Variants in TP53BP1 observed in about 807,000 individuals in gnomAD.
The protein encoded by TP53BP1 is tumor protein p53 binding protein 1, also known as TP53-binding protein 1.
TP53BP1 carries 61 observed loss-of-function variants against 200.8 expected under a neutral mutation model. The ratio of observed to expected loss-of-function variants is 0.30; its 90% CI spans 0.25 to 0.38. The LOEUF is 0.38. TP53BP1 is among the 10% of genes least tolerant of loss of function. The probability of loss-of-function intolerance (pLI) is 1.00; values close to 1 mark genes in which losing one functional copy is unlikely to be tolerated. For missense variants in TP53BP1, 2,144 were observed against 2,371.9 expected (o/e 0.90, Z 2.00); for synonymous variants, 822 against 844.3 (o/e 0.97, Z 0.46).
chr15:43,501,850 T>C (rs2079210915), intron 1 of TP53BP1, among the ~76,000 whole-genome samples: 1 of 152,242 alleles, frequency 6.6e-6, no homozygotes, highest in African/African-American at 2.4e-5. Flanking sequence ...ATTCTCCTAT[T>C]ACTGCATATT....
intron 11 of TP53BP1, among the ~76,000 whole-genome samples, chr15:43,467,064 T>A (rs968745070): frequency 6.6e-6 from 1 of 151,970 alleles, no homozygotes; most frequent in Non-Finnish European, 1.5e-5. Context: ...GGTATTCTTT[T>A]TTTTTTTTGA....
intron 10 of TP53BP1, among the ~76,000 whole-genome samples, chr15:43,473,604 A>G (rs2046780219): frequency 6.6e-6 from 1 of 152,152 alleles, no homozygotes; most frequent in South Asian, 2.1e-4. Flanking sequence ...AGCTAGACAT[A>G]AAGGTTCTCC....
chr15:43,503,995 T>A (rs558029161), intron 1 of TP53BP1, among the ~76,000 whole-genome samples: 12 of 152,140 alleles, frequency 7.9e-5, no homozygotes, highest in Non-Finnish European at 1.6e-4. Flanking sequence ...ATTTAATGCA[T>A]ACGGGAGGGC....
In TP53BP1 at chr15:43,458,631, T is replaced by C. The variant is rs540933572; in HGVS notation, c.1390-1413A>G. Among the ~76,000 whole-genome samples the C allele has an allele frequency of 1.7e-3, 259 of 151,802 alleles. 1 individual carries two copies. Among genetic ancestry groups the C allele is most frequent in the African/African-American group, 6.0e-3 (250 of 41,326 alleles). On this transcript the variant is annotated intron_variant, in intron 11 of 27. Transcript: ENST00000382044. Reference sequence around the variant, plus strand: ...CCCATGTCTACAGAAACTTTAAAAATTAGCCAGGCATGGTATTGTGTCCCT... The same window carrying C: ...CCCATGTCTACAGAAACTTTAAAAACTAGCCAGGCATGGTATTGTGTCCCT...
intron 12 of TP53BP1, among the ~76,000 whole-genome samples, chr15:43,453,282 T>C (rs968024193): frequency 2.0e-5 from 3 of 151,662 alleles, no homozygotes; most frequent in South Asian, 2.1e-4. Flanking sequence ...CACAGGTCAT[T>C]AGCAGTATTT....
chr15:43,469,411 G>C (rs2046667107), intron 11 of TP53BP1, among the ~76,000 whole-genome samples: 1 of 151,992 alleles, frequency 6.6e-6, no homozygotes, highest in South Asian at 2.1e-4. Context: ...ACTGGAAAAA[G>C]AAAATTAAAG....
intron 23 of TP53BP1, among the ~76,000 whole-genome samples, chr15:43,414,641 T>C (rs543284214): frequency 6.6e-6 from 1 of 152,064 alleles, no homozygotes; most frequent in African/African-American, 2.4e-5. Context: ...TTCTTAATTA[T>C]TGAATGCTAG....
rs374365880 is a variant in TP53BP1, at chr15:43,456,019, T to C, written c.2589A>G (p.Lys863=). 10 of 1,614,066 alleles carry C rather than the reference T, an allele frequency of 6.2e-6. No individual in the cohort carries two copies. The African/African-American group carries it at 1.2e-4, about 19-fold the overall frequency. Residue 863 remains lysine (K), a synonymous_variant, in exon 12 of 28, where the codon AAA becomes AAG. Coordinates refer to ENST00000382044, the MANE Select transcript of TP53BP1 (RefSeq NM_001141980.3). The part of the protein sequence containing the change: ...QELQQPQTQE[K]TSNSLTEDSK... ...AGTCTTCTGTTAATGAATTACTTGT[T>C]TTCTCCTGAGTTTGGGGCTGCTGCA...
chr15:43,419,920 G>A (rs191587769), intron 21 of TP53BP1, among the ~76,000 whole-genome samples: 41 of 152,236 alleles, frequency 2.7e-4, no homozygotes, highest in African/African-American at 9.9e-4. Flanking sequence ...AAAAGCTAGT[G>A]AAATCCAAAT....
chr15:43,447,065 A>G, intron 13 of TP53BP1: 1 of 466,762 alleles, frequency 2.1e-6, no homozygotes, highest in Non-Finnish European at 4.1e-6. Flanking sequence ...TTCCATCCTT[A>G]TAAAACATCT....
Position 43,403,748 on chromosome 15 carries a change from C to T in TP53BP1, c.*3635G>A, listed in dbSNP as rs749995080. ...GTTTTTGTTCGCTGGTCAGTCAGAA[C>T]CTAGGCCCACTGGATGAGCGTGGAG... On this transcript the variant is annotated 3_prime_UTR_variant, in exon 28 of 28. Transcript: ENST00000382044. 5 of 1,613,828 alleles carry T rather than the reference C, an allele frequency of 3.1e-6. No homozygotes were observed. The South Asian group carries it at 4.4e-5, about 14-fold the overall frequency.
Position 43,405,023 on chromosome 15 carries a change from TTC to T in TP53BP1, c.*2358_*2359del, listed in dbSNP as rs1429278770. 5 of 647,274 alleles carry T rather than the reference TTC, an allele frequency of 7.7e-6. No individual in the cohort carries two copies. Among genetic ancestry groups the T allele is most frequent in the Non-Finnish European group, 5.3e-6 (2 of 380,242 alleles). 40.1% of individuals were successfully genotyped at this position (647,274 alleles called of 1,614,324 possible). A position where few individuals can be genotyped will look rare whatever the true frequency, so the allele number is the denominator to read the frequency against. Reference sequence around the variant, plus strand: ...ATTCAGAAAATCACTTCATTGTCCTTTCTCTCTAAAATGTCTGCAAGCAGATT... The same window carrying T: ...ATTCAGAAAATCACTTCATTGTCCTTTCTCTAAAATGTCTGCAAGCAGATT... On this transcript the variant is annotated 3_prime_UTR_variant, in exon 28 of 28. Coordinates refer to ENST00000382044, the MANE Select transcript of TP53BP1 (RefSeq NM_001141980.3).
rs201999864 is a variant in TP53BP1, at chr15:43,404,503, C to T, written c.*2880G>A. On this transcript the variant is annotated 3_prime_UTR_variant, in exon 28 of 28. Transcript: ENST00000382044. ...CTCAGATTTGGCTCAACTACTGTTA[C>T]GACTAGATTATAACAAATACTATAC... 39 of 1,613,990 alleles carry T rather than the reference C, an allele frequency of 2.4e-5. No homozygotes were observed. Among genetic ancestry groups the T allele is most frequent in the Non-Finnish European group, 3.1e-5 (37 of 1,180,030 alleles).
chr15:43,435,693 ATT>A (rs11454328), intron 16 of TP53BP1, among the ~76,000 whole-genome samples: 1 of 147,658 alleles, frequency 6.8e-6, no homozygotes, highest in African/African-American at 2.5e-5. Context: ...CTACCTATTA[ATT>A]TTTTTTTTTT....
intron 22 of TP53BP1, 56 bp downstream of exon 22, chr15:43,416,169 C>G: frequency 6.8e-7 from 1 of 1,477,670 alleles, no homozygotes; most frequent in Non-Finnish European, 9.2e-7. Context: ...GAATCTCCTC[C>G]CACTGTAAGC....
At chr15:43,500,054 A>G (rs1489000071) in intron 1 of TP53BP1, among the ~76,000 whole-genome samples, 1 of 152,212 alleles carries the variant, frequency 6.6e-6, no homozygotes, top group East Asian at 1.9e-4. Context: ...ACATTGCTAT[A>G]AATACAATCT....
chr15:43,413,133 C>T lies in TP53BP1; in HGVS notation c.5291G>A (p.Ser1764Asn), dbSNP rs750512252. 6.2e-7 allele frequency: 1 copy of T among 1,614,216 alleles called. No individual in the cohort carries two copies. The highest frequency in any genetic ancestry group is 8.5e-7 in the Non-Finnish European group (1 of 1,180,042). The change falls in exon 24 of 28, where the codon AGT becomes AAT. Residue 1764 changes from serine (S) to asparagine (N), a missense_variant. This residue lies in a region of TP53BP1 where 334 missense variants were observed against 453.4 expected (regional missense o/e 0.74). Coordinates refer to ENST00000382044, the MANE Select transcript of TP53BP1 (RefSeq NM_001141980.3). ...TAAGGCCTTACCCTCCTCTTCTTCA[C>T]TGCTTCCTGTAGGACCATCTGGCAG... is the stretch of plus-strand genomic sequence containing the variant. Reference protein sequence around the residue: ...SKLPDGPTGSSEEEEEFLEIP... With the variant: ...SKLPDGPTGSNEEEEEFLEIP...
intron 24 of TP53BP1, among the ~76,000 whole-genome samples, chr15:43,412,378 A>G (rs2045141138): frequency 6.6e-6 from 1 of 152,192 alleles, no homozygotes; most frequent in South Asian, 2.1e-4. Flanking sequence ...TTCCATCTGG[A>G]CCTTTAGCCT....
At position 43,407,212 on chromosome 15, in the gene TP53BP1, A is replaced by C; in HGVS notation, c.*171T>G. The C allele has an allele frequency of 1.6e-6, 1 of 609,560 alleles. No homozygotes were observed. The highest frequency in any genetic ancestry group is 2.8e-5 in the East Asian group (1 of 35,850). The allele number at this position is 609,560 out of a possible 1,614,324, so 37.8% of individuals were successfully genotyped here. On this transcript the variant is annotated 3_prime_UTR_variant, in exon 28 of 28. Coordinates refer to ENST00000382044, the MANE Select transcript of TP53BP1 (RefSeq NM_001141980.3). ...TCAAAAAAACAGATGAAGAAATCCC[A>C]GTTACTACAACCAAAGAGATTCAAC... is the stretch of plus-strand genomic sequence containing the variant.
Sources: allele counts gnomAD v4.1 joint callset (sites outside exome capture counted in the v4.1 genomes callset), GRCh38; gene constraint gnomAD v4.1.1; regional missense constraint gnomAD v4.1.1; transcripts MANE v1.5; gene names NCBI Gene and HGNC (gene_info 2026-07-23, HGNC 2026-07-21).